PTPRN2: variants seen among roughly 807,000 people sequenced by gnomAD.
PTPRN2 encodes the protein protein tyrosine phosphatase receptor type N2.
Under a neutral mutation model 118.8 loss-of-function variants are expected in PTPRN2, and 74 were observed. The observed-to-expected ratio is 0.62, with a 90% CI of 0.52 to 0.76. The LOEUF (loss-of-function observed/expected upper bound fraction) is 0.76. PTPRN2 is among the 30% of genes least tolerant of loss of function. The probability of loss-of-function intolerance (pLI) is 0.00; values close to 1 mark genes in which losing one functional copy is unlikely to be tolerated. For missense variants in PTPRN2, 1,481 were observed against 1,394.4 expected (o/e 1.06, Z -0.99); for synonymous variants, 641 against 608.0 (o/e 1.05, Z -0.80).
chr7:158,040,325 GCA>G (rs1457287006), intron 11 of PTPRN2, among the ~76,000 whole-genome samples: 3 of 151,476 alleles, frequency 2.0e-5, no homozygotes, highest in African/African-American at 7.3e-5. Flanking sequence ...ACACACAGAT[GCA>G]CACACACGGA....
At chr7:157,757,370 A>G (rs1272367463) in intron 12 of PTPRN2, among the ~76,000 whole-genome samples, 1 of 152,166 alleles carries the variant, frequency 6.6e-6, no homozygotes, top group African/African-American at 2.4e-5. Flanking sequence ...GCGGGAGAGC[A>G]GAGAGACATG....
intron 10 of PTPRN2, among the ~76,000 whole-genome samples, chr7:158,100,331 T>C (rs1298092567): frequency 6.6e-6 from 1 of 152,144 alleles, no homozygotes; most frequent in Non-Finnish European, 1.5e-5. Flanking sequence ...GTTGGTTCCA[T>C]ATTTTTGCAA....
At chr7:158,333,747 C>CTT (rs1804981819) in intron 2 of PTPRN2, among the ~76,000 whole-genome samples, 1 of 150,598 alleles carries the variant, frequency 6.6e-6, no homozygotes, top group African/African-American at 2.5e-5. Flanking sequence ...CATACTCTCA[C>CTT]CATAAGAGCT....
At chr7:158,041,755 C>T (rs1005642697) in intron 11 of PTPRN2, among the ~76,000 whole-genome samples, 2 of 152,174 alleles carry the variant, frequency 1.3e-5, no homozygotes, top group African/African-American at 2.4e-5. Flanking sequence ...GAGAAACCTG[C>T]GTGCTTGGGT....
intron 11 of PTPRN2, among the ~76,000 whole-genome samples, chr7:157,947,830 T>C (rs1563264846): frequency 6.6e-6 from 1 of 152,230 alleles, no homozygotes; most frequent in African/African-American, 2.4e-5. Context: ...CATCTTGTAC[T>C]TGAGATCGTC....
At chr7:158,512,829 T>G (rs969672670) in intron 1 of PTPRN2, among the ~76,000 whole-genome samples, 2 of 152,208 alleles carry the variant, frequency 1.3e-5, no homozygotes, top group Non-Finnish European at 2.9e-5. Flanking sequence ...AGGGACAGTT[T>G]GTGTGAGGCC....
intron 6 of PTPRN2, among the ~76,000 whole-genome samples, chr7:158,157,482 T>C (rs1563532563): frequency 1.3e-5 from 2 of 152,216 alleles, no homozygotes; most frequent in Admixed American, 6.5e-5. Flanking sequence ...TTTATGACTC[T>C]TACTTCTCCC....
At chr7:158,332,548 C>T (rs4909185) in intron 2 of PTPRN2, among the ~76,000 whole-genome samples, 16,765 of 109,230 alleles carry the variant, frequency 0.15, 2,956 homozygotes, top group African/African-American at 0.2. Context: ...TCCATACTCT[C>T]ACCATAAGAG....
intron 6 of PTPRN2, among the ~76,000 whole-genome samples, chr7:158,146,754 T>C (rs1195517236): frequency 2.7e-5 from 4 of 149,158 alleles, no homozygotes; most frequent in African/African-American, 4.9e-5. Context: ...AAAGAAACAA[T>C]AGAAAATTAA....
rs573411645 is a variant in PTPRN2 at position 158,439,763 on chromosome 7, C to T, written c.163+49972G>A. Among the ~76,000 whole-genome samples the T allele has an allele frequency of 7.2e-5, 11 of 152,308 alleles. No individual in the cohort carries two copies. The South Asian group carries it at 1.0e-3, about 14-fold the overall frequency. ...ACTGATTGTAAGACAAGTCTCTGAA[C>T]GACCAACAAGATGGCCCAGTCTGTG... On this transcript the variant is annotated intron_variant, in intron 2 of 22. Transcript: ENST00000389418.
intron 2 of PTPRN2, among the ~76,000 whole-genome samples, chr7:158,417,707 GCT>G (rs1814823219): frequency 7.9e-6 from 1 of 125,922 alleles, no homozygotes; most frequent in Non-Finnish European, 1.7e-5. Context: ...AGATGCTCTA[GCT>G]CTCAGTGTCC....
At position 157,794,229 on chromosome 7, in the gene PTPRN2, G is replaced by C. The variant is rs975415612; in HGVS notation, c.1788+104444C>G. Among the ~76,000 whole-genome samples, 1 of 147,076 alleles carries C rather than the reference G, an allele frequency of 6.8e-6. No individual in the cohort carries two copies. Among genetic ancestry groups the C allele is most frequent in the Non-Finnish European group, 1.5e-5 (1 of 66,898 alleles). On this transcript the variant is annotated intron_variant, in intron 12 of 22. Coordinates refer to ENST00000389418, the MANE Select transcript of PTPRN2 (RefSeq NM_002847.5). This position sits in a 1 kb window ranked among gnomAD's most constrained non-coding sequence, Gnocchi z 5.2. Reference sequence around the variant, plus strand: ...CCGACCCGGGCTCACACCTCCCCTCGTTCTCTGCTCCGACCCGGGCTCACA... The same window carrying C: ...CCGACCCGGGCTCACACCTCCCCTCCTTCTCTGCTCCGACCCGGGCTCACA...
intron 12 of PTPRN2, among the ~76,000 whole-genome samples, chr7:157,725,157 G>GC (rs1799459811): frequency 2.7e-5 from 4 of 147,696 alleles, no homozygotes; most frequent in African/African-American, 1.0e-4. Flanking sequence ...GCAGAGGAGT[G>GC]AGCCAGACCC....
intron 21 of PTPRN2, among the ~76,000 whole-genome samples, chr7:157,562,586 G>T (rs924573228): frequency 2.0e-5 from 3 of 152,128 alleles, no homozygotes; most frequent in African/African-American, 4.8e-5. Flanking sequence ...CAAAGTCCGG[G>T]GACCTTCAAA....
chr7:157,614,419 G>A (rs535287323), intron 15 of PTPRN2, among the ~76,000 whole-genome samples: 2 of 152,170 alleles, frequency 1.3e-5, no homozygotes, highest in African/African-American at 4.8e-5. Flanking sequence ...GCTTTATTAG[G>A]TACCATTCAT....
intron 11 of PTPRN2, among the ~76,000 whole-genome samples, chr7:158,044,257 G>A (rs988619893): frequency 5.3e-5 from 8 of 152,288 alleles, no homozygotes; most frequent in Admixed American, 2.6e-4. Context: ...AAGCTGGTGC[G>A]TCTGGGGAGC....
At chr7:157,680,933 C>T (rs1458190158) in intron 13 of PTPRN2, among the ~76,000 whole-genome samples, 1 of 152,164 alleles carries the variant, frequency 6.6e-6, no homozygotes, top group Non-Finnish European at 1.5e-5. Flanking sequence ...CCACCATGCC[C>T]TCAGGAGGAA....
chr7:158,166,132 G>T (rs1299223330), intron 6 of PTPRN2, among the ~76,000 whole-genome samples: 1 of 151,052 alleles, frequency 6.6e-6, no homozygotes. Context: ...AAGCCATGTT[G>T]CCCGCCCCAT....
At chr7:158,372,050 G>A (rs535257579) in intron 2 of PTPRN2, among the ~76,000 whole-genome samples, 6 of 152,292 alleles carry the variant, frequency 3.9e-5, no homozygotes, top group East Asian at 3.9e-4. Context: ...AGACCCCCTC[G>A]CAGGGCCACA....
Sources: gnomAD v4.1 joint callset for allele counts (sites outside exome capture counted in the v4.1 genomes callset) on GRCh38, gnomAD v4.1.1 for gene constraint, Gnocchi (gnomAD v3.1) non-coding constraint, MANE v1.5 for transcripts, NCBI Gene and HGNC (gene_info 2026-07-23, HGNC 2026-07-21) for gene names.